CTNNA2: variants seen among roughly 807,000 people sequenced by gnomAD.
The protein encoded by CTNNA2 is catenin alpha 2, also known as catenin alpha-2.
Under a neutral mutation model 101.0 loss-of-function variants are expected in CTNNA2, and 42 were observed. The ratio of observed to expected loss-of-function variants is 0.42; its 90% CI spans 0.32 to 0.54. CTNNA2 has a LOEUF of 0.54. CTNNA2 is among the 20% of genes least tolerant of loss of function. The pLI is 0.14. For synonymous variants in CTNNA2, 450 were observed against 456.4 expected (o/e 0.99, Z 0.18); for missense variants, 871 against 1,223.1 (o/e 0.71, Z 4.29).
intron 4 of CTNNA2, among the ~76,000 whole-genome samples, chr2:79,502,228 A>T (rs1671328331): frequency 6.6e-6 from 1 of 152,168 alleles, no homozygotes; most frequent in South Asian, 2.1e-4. Flanking sequence ...ATGTGTGGGA[A>T]AGATTCTAAA....
intron 18 of CTNNA2, among the ~76,000 whole-genome samples, chr2:80,642,880 A>G (rs1326755198): frequency 6.6e-6 from 1 of 152,140 alleles, no homozygotes; most frequent in Non-Finnish European, 1.5e-5. Context: ...TGCCCATTCA[A>G]AACACAAAAT....
At chr2:79,988,725 T>C (rs758030991) in intron 7 of CTNNA2, among the ~76,000 whole-genome samples, 1 of 152,166 alleles carries the variant, frequency 6.6e-6, no homozygotes, top group Non-Finnish European at 1.5e-5. Flanking sequence ...TTAGAAGCTA[T>C]ATGTAATTGG....
intron 7 of CTNNA2, among the ~76,000 whole-genome samples, chr2:80,292,375 C>T (rs934639868): frequency 1.3e-5 from 2 of 152,082 alleles, no homozygotes; most frequent in African/African-American, 4.8e-5. Flanking sequence ...ATGTGTCTCC[C>T]TTGACACATC....
At chr2:80,463,990 T>C (rs2149476421) in intron 9 of CTNNA2, among the ~76,000 whole-genome samples, 1 of 152,282 alleles carries the variant, frequency 6.6e-6, no homozygotes, top group East Asian at 1.9e-4. Flanking sequence ...CCTCTTCCTT[T>C]ATCTCCCCTT....
intron 9 of CTNNA2, among the ~76,000 whole-genome samples, chr2:80,444,131 G>A (rs1682857035): frequency 6.6e-6 from 1 of 152,140 alleles, no homozygotes; most frequent in African/African-American, 2.4e-5. Context: ...AAAATATTGG[G>A]ATAGATCAAA....
At chr2:79,537,394 G>A (rs912181594) in intron 1 of CTNNA2, among the ~76,000 whole-genome samples, 6 of 152,006 alleles carry the variant, frequency 3.9e-5, no homozygotes, top group Non-Finnish European at 8.8e-5. Context: ...GCCCTTTCCC[G>A]TGCTCTTGCA....
At position 80,090,744 on chromosome 2, in the gene CTNNA2, C is replaced by G. The variant is rs111252390; in HGVS notation, c.1056+180947C>G. On this transcript the variant is annotated intron_variant, in intron 7 of 18. Coordinates refer to ENST00000402739, the MANE Select transcript of CTNNA2 (RefSeq NM_001282597.3). Reference sequence around the variant, plus strand: ...ACCATGAGGCTGAAAATAGTCATGTCTAGGTTGGATGATTCCCTGCATGAG... The same window carrying G: ...ACCATGAGGCTGAAAATAGTCATGTGTAGGTTGGATGATTCCCTGCATGAG... Among the ~76,000 whole-genome samples, 564 of 152,172 alleles carry G rather than the reference C, an allele frequency of 3.7e-3. 3 individuals are homozygous for G. The highest frequency in any genetic ancestry group is 9.1e-3 in the African/African-American group (377 of 41,542).
Position 79,243,986 on chromosome 2 carries a change from C to A in CTNNA2, c.-406+45910C>A, listed in dbSNP as rs76777530. On this transcript the variant is annotated intron_variant, in intron 2 of 21. Coordinates refer to the CTNNA2 transcript ENST00000466387. ...TATTTTTCAGAAAGCAGGGTCTGAG[C>A]ATGTGGCAAGAGGGTGATGTTAACC... 3.5e-3 allele frequency among the ~76,000 whole-genome samples: 531 copies of A among 152,232 alleles called. 12 individuals are homozygous for A. The East Asian group carries it at 0.062, about 18-fold the overall frequency.
chr2:80,589,905 T>C (rs752993680), intron 15 of CTNNA2, among the ~76,000 whole-genome samples: 1,400 of 114,462 alleles, frequency 0.012, 5 homozygotes, highest in African/African-American at 0.017. Context: ...TGTGTGTGTG[T>C]GCGCGCGCGC....
intron 2 of CTNNA2, among the ~76,000 whole-genome samples, chr2:79,664,747 T>C (rs1018529368): frequency 2.9e-5 from 4 of 139,078 alleles, no homozygotes; most frequent in African/African-American, 1.1e-4. Flanking sequence ...GGAGTCTCGC[T>C]GTCTCCCCGG....
At chr2:79,768,626 G>T (rs1470128183) in intron 3 of CTNNA2, among the ~76,000 whole-genome samples, 1 of 151,822 alleles carries the variant, frequency 6.6e-6, no homozygotes, top group Non-Finnish European at 1.5e-5. Flanking sequence ...AATTATAAAA[G>T]GAGGTAAAAT....
chr2:79,483,089 G>A (rs190214193), intron 4 of CTNNA2, among the ~76,000 whole-genome samples: 144 of 152,320 alleles, frequency 9.5e-4, no homozygotes, highest in African/African-American at 3.3e-3. Context: ...TGTGTGCTAT[G>A]TCTCTATTGC....
At chr2:79,816,289 A>T (rs147581936) in intron 3 of CTNNA2, among the ~76,000 whole-genome samples, 2,154 of 152,192 alleles carry the variant, frequency 0.014, 58 homozygotes, top group African/African-American at 0.049. Context: ...TTCCAGCACT[A>T]TGTTGAAGAG....
At position 80,569,789 on chromosome 2, in the gene CTNNA2, C is replaced by A. The variant is rs537016564; in HGVS notation, c.1742-4374C>A. Among the ~76,000 whole-genome samples the A allele has an allele frequency of 7.3e-5, 11 of 150,748 alleles. No homozygotes were observed. In the East Asian group the frequency reaches 2.2e-3, roughly 30 times the overall value. Reference sequence around the variant, plus strand: ...TCCCAAGTAGCTGGGACTACAGGCACCCGCCACCACACCCAGCTAATTTTT... The same window carrying A: ...TCCCAAGTAGCTGGGACTACAGGCAACCGCCACCACACCCAGCTAATTTTT... On this transcript the variant is annotated intron_variant, in intron 12 of 18. Transcript: ENST00000402739.
At chr2:79,778,342 CA>C (rs57955530) in intron 3 of CTNNA2, among the ~76,000 whole-genome samples, 272 of 142,830 alleles carry the variant, frequency 1.9e-3, no homozygotes, top group African/African-American at 4.4e-3. Flanking sequence ...GAGACTCCAT[CA>C]AAAAAAAAAA....
chr2:80,037,253 C>T lies in CTNNA2; in HGVS notation c.1056+127456C>T, dbSNP rs558854191. 3.9e-5 allele frequency among the ~76,000 whole-genome samples: 6 copies of T among 152,254 alleles called. 1 individual carries two copies. The East Asian group carries it at 1.2e-3, about 29-fold the overall frequency. On this transcript the variant is annotated intron_variant, in intron 7 of 18. Transcript: ENST00000402739. ...ATGTAAAGAAGACTTGGTATTTTCT[C>T]ATCCCAGGGAAATCATGGCCTTATT...
At chr2:79,648,055 C>A (rs908243931) in intron 1 of CTNNA2, among the ~76,000 whole-genome samples, 1 of 152,220 alleles carries the variant, frequency 6.6e-6, no homozygotes, top group African/African-American at 2.4e-5. Flanking sequence ...GGAAAATATT[C>A]TCTTCTCATG....
intron 12 of CTNNA2, among the ~76,000 whole-genome samples, chr2:80,566,873 T>C (rs377472608): frequency 6.6e-6 from 1 of 152,192 alleles, no homozygotes. Flanking sequence ...GTTTAGAGAT[T>C]CGAACATTAA....
intron 7 of CTNNA2, among the ~76,000 whole-genome samples, chr2:80,366,040 T>C (rs1456167372): frequency 6.6e-6 from 1 of 152,104 alleles, no homozygotes; most frequent in Non-Finnish European, 1.5e-5. Flanking sequence ...CTTACCTTAA[T>C]GATAGGGAAG....
Sources: gnomAD v4.1 joint callset for allele counts (sites outside exome capture counted in the v4.1 genomes callset) on GRCh38, gnomAD v4.1.1 for gene constraint, MANE v1.5 for transcripts, NCBI Gene and HGNC (gene_info 2026-07-23, HGNC 2026-07-21) for gene names.